SCARF1: variants seen among roughly 807,000 people sequenced by gnomAD.
SCARF1 encodes the protein scavenger receptor class F member 1.
In SCARF1, 49 loss-of-function variants were observed where a neutral mutation model predicts 76.3. That is an observed-to-expected ratio of 0.64 (90% confidence interval 0.51 to 0.81). The LOEUF is 0.81. Ranked by LOEUF, SCARF1 falls within the 40% of genes least tolerant of loss-of-function variation. The pLI is 0.00. For synonymous variants in SCARF1, 495 were observed against 474.6 expected (o/e 1.04, Z -0.56); for missense variants, 1,098 against 1,143.9 (o/e 0.96, Z 0.58).
chr17:1,639,903 C>T lies in SCARF1; in HGVS notation c.1139+9G>A, dbSNP rs776533267. The T allele has an allele frequency of 1.2e-6, 2 of 1,612,828 alleles. No individual in the cohort carries two copies. Among genetic ancestry groups the T allele is most frequent in the Admixed American group, 1.7e-5 (1 of 59,954 alleles). ...GGCACTCTCCCGCCCCCGGGATCCCCATCCTTACCTGGGCCCCCAGTAGCC... is the reference window on the plus strand; with the variant it reads ...GGCACTCTCCCGCCCCCGGGATCCCTATCCTTACCTGGGCCCCCAGTAGCC... On this transcript the variant is annotated intron_variant, in intron 6 of 10. Coordinates refer to ENST00000263071, the MANE Select transcript of SCARF1 (RefSeq NM_003693.4).
At chr17:1,641,731 ATT>A (rs1910069302) in intron 4 of SCARF1, among the ~76,000 whole-genome samples, 1 of 151,918 alleles carries the variant, frequency 6.6e-6, no homozygotes, top group Non-Finnish European at 1.5e-5. Context: ...TTTTATTATT[ATT>A]TTCTTCAAGA....
At position 1,645,256 on chromosome 17, in the gene SCARF1, G is replaced by A. The variant is rs777498538; in HGVS notation, c.102-17C>T. 30 of 1,612,222 alleles carry A rather than the reference G, an allele frequency of 1.9e-5. No homozygotes were observed. Among genetic ancestry groups the A allele is most frequent in the Admixed American group, 6.7e-5 (4 of 59,970 alleles). On this transcript the variant is annotated splice_polypyrimidine_tract_variant and intron_variant, in intron 1 of 10. Coordinates refer to ENST00000263071, the MANE Select transcript of SCARF1 (RefSeq NM_003693.4). The surrounding 1 kb of genome is among the most constrained non-coding windows in gnomAD (Gnocchi z 6.3). ...GCAGAGGGGCTGTGGGGCAAAAAGG[G>A]GTCAGCCGGACATGGTGGGGGGTGC...
rs1432849351 is a variant in SCARF1, at chr17:1,643,866, C to G, written c.367G>C (p.Asp123His). ...AACTCGCAGCGGGCTCCCCAGCGGT[C>G]GGCCTGGCACTGGCACGCGCCCGTG... ...PATGACQCQA[D>H]RWGARCEFPC... The change falls in exon 4 of 11, where the codon GAC (aspartate) becomes CAC (histidine). Residue 123 changes from aspartate to histidine, a missense_variant. Physicochemically the swap from Asp to His is moderately conservative, Grantham distance 81 (BLOSUM62 -1). Coordinates refer to ENST00000263071, the MANE Select transcript of SCARF1 (RefSeq NM_003693.4). 2 of 1,280,928 alleles carry G rather than the reference C, an allele frequency of 1.6e-6. No individual in the cohort carries two copies. The highest frequency in any genetic ancestry group is 6.2e-5 in the East Asian group (2 of 32,036). The allele number at this position is 1,280,928 out of a possible 1,614,324, so 79.3% of individuals were successfully genotyped here.
At position 1,639,755 on chromosome 17, in the gene SCARF1, A is replaced by G. The variant is rs1168931362; in HGVS notation, c.1140-13T>C. The G allele has an allele frequency of 1.2e-6, 2 of 1,606,810 alleles. No homozygotes were observed. Among genetic ancestry groups the G allele is most frequent in the East Asian group, 2.2e-5 (1 of 44,656 alleles). On this transcript the variant is annotated splice_polypyrimidine_tract_variant and intron_variant, in intron 6 of 10. Transcript: ENST00000263071. ...GGAGGCGTTGCAGCTATGGAGTGAC[A>G]TGGAGAGGCAGGCTGAGGGCTGGGT...
In SCARF1 at chr17:1,633,983, T is replaced by C. The variant is rs1909298706; in HGVS notation, c.*775A>G. On this transcript the variant is annotated 3_prime_UTR_variant, in exon 11 of 11. Coordinates refer to ENST00000263071, the MANE Select transcript of SCARF1 (RefSeq NM_003693.4). Reference sequence around the variant, plus strand: ...TGTTCACTGTAGAAAATTTGCAAACTATACAAAAGTTTCAGAAGAAAATAA... The same window carrying C: ...TGTTCACTGTAGAAAATTTGCAAACCATACAAAAGTTTCAGAAGAAAATAA... 2 of 152,208 alleles carry C rather than the reference T, an allele frequency of 1.3e-5. No homozygotes were observed. Among genetic ancestry groups the C allele is most frequent in the African/African-American group, 4.8e-5 (2 of 41,448 alleles). 9.4% of individuals were successfully genotyped at this position (152,208 alleles called of 1,614,324 possible).
chr17:1,644,994 C>G lies in SCARF1; in HGVS notation c.164-59G>C, dbSNP rs1178243848. On this transcript the variant is annotated intron_variant, in intron 2 of 10. Transcript: ENST00000263071. This position sits in a 1 kb window ranked among gnomAD's most constrained non-coding sequence, Gnocchi z 4.8. ...GAGCAGGACCAGGGGACACCCCTGCCCTCTCACTGGCTCCAGGGGCCATGC... is the reference window on the plus strand; with the variant it reads ...GAGCAGGACCAGGGGACACCCCTGCGCTCTCACTGGCTCCAGGGGCCATGC... 3 of 1,573,686 alleles carry G rather than the reference C, an allele frequency of 1.9e-6. No homozygotes were observed. The South Asian group carries it at 3.4e-5, about 18-fold the overall frequency.
chr17:1,641,286 C>T (rs2151098260), intron 4 of SCARF1, among the ~76,000 whole-genome samples: 1 of 152,336 alleles, frequency 6.6e-6, no homozygotes, highest in South Asian at 2.1e-4. Flanking sequence ...CTATTGTGAA[C>T]TGCGCACGGG....
In SCARF1 at chr17:1,643,479, A is replaced by G; in HGVS notation, c.754T>C (p.Cys252Arg). Residue 252 changes from cysteine (C) to arginine (R), a missense_variant, in exon 4 of 11, where the codon TGC (cysteine) becomes CGC (arginine). Cys to Arg is a radical substitution (Grantham distance 180). Coordinates refer to ENST00000263071, the MANE Select transcript of SCARF1 (RefSeq NM_003693.4). ...GFRGARCELP[C>R]PAGSHGVQCA... ...TGCACCCCGTGGCTGCCTGCCGGGC[A>G]GGGCAGCTCGCAGCGCGCTCCGCGG... 1 of 1,313,982 alleles carries G rather than the reference A, an allele frequency of 7.6e-7. No homozygotes were observed. 81.4% of individuals were successfully genotyped at this position (1,313,982 alleles called of 1,614,324 possible). A position where few individuals can be genotyped will look rare whatever the true frequency, so the allele number is the denominator to read the frequency against.
In SCARF1 at chr17:1,643,955, T is replaced by C. The variant is rs1910317178; in HGVS notation, c.278A>G (p.Gln93Arg). The C allele has an allele frequency of 2.3e-6, 3 of 1,302,586 alleles. No individual in the cohort carries two copies. Among genetic ancestry groups the C allele is most frequent in the African/African-American group, 1.6e-5 (1 of 64,416 alleles). The allele number at this position is 1,302,586 out of a possible 1,614,324, so 80.7% of individuals were successfully genotyped here. Reference sequence around the variant, plus strand: ...CTCACGGCAGTCGGGGCCCCAGTACTGGCCCGGGCAGCCTGCGGGGGTGGG... The same window carrying C: ...CTCACGGCAGTCGGGGCCCCAGTACCGGCCCGGGCAGCCTGCGGGGGTGGG... ...GAHCSSRCPG[Q>R]YWGPDCRESC... The change falls in exon 4 of 11, where the codon CAG becomes CGG. Residue 93 changes from glutamine to arginine, a missense_variant. Transcript: ENST00000263071.
In SCARF1 at chr17:1,635,249, G is replaced by T; in HGVS notation, c.2002C>A (p.Arg668=). Residue 668 remains arginine, a synonymous_variant, in exon 11 of 11, where the codon CGG becomes AGG. Transcript: ENST00000263071. The part of the protein sequence containing the change: ...TGHRRPPLGG[R]TVAEHVEAIE... ...GCTTCCACGTGCTCAGCCACTGTCC[G>T]GCCACCAAGTGGGGGCCGCCGGTGG... The T allele has an allele frequency of 6.2e-7, 1 of 1,611,994 alleles. No individual in the cohort carries two copies. Among genetic ancestry groups the T allele is most frequent in the Non-Finnish European group, 8.5e-7 (1 of 1,179,168 alleles).
chr17:1,642,948 C>T (rs1055994377), intron 4 of SCARF1, among the ~76,000 whole-genome samples: 9 of 152,146 alleles, frequency 5.9e-5, no homozygotes, highest in African/African-American at 2.2e-4. Flanking sequence ...GTGATGCACC[C>T]GCCTCAGCCT....
chr17:1,640,102 C>T lies in SCARF1; in HGVS notation c.1011-62G>A. On this transcript the variant is annotated intron_variant, in intron 5 of 10. Transcript: ENST00000263071. The surrounding 1 kb of genome is among the most constrained non-coding windows in gnomAD (Gnocchi z 4.7). ...GGCAGGCCTGGCCCCCACTGTGGGG[C>T]CCCACCCCTCCGCCCCACGCTCCTG... is the stretch of plus-strand genomic sequence containing the variant. The T allele has an allele frequency of 2.5e-6, 4 of 1,576,056 alleles. No individual in the cohort carries two copies. The highest frequency in any genetic ancestry group is 1.2e-5 in the South Asian group (1 of 86,558).
In SCARF1 at chr17:1,644,405, T is replaced by C. The variant is rs1438878960; in HGVS notation, c.265+429A>G. On this transcript the variant is annotated intron_variant, in intron 3 of 10. Coordinates refer to ENST00000263071, the MANE Select transcript of SCARF1 (RefSeq NM_003693.4). The surrounding 1 kb of genome is among the most constrained non-coding windows in gnomAD (Gnocchi z 4.8). Reference sequence around the variant, plus strand: ...ACCTTTCCCCTAGTGATTCCTTGATTCCTGATGCCCACCCTCTGGCTCTCC... The same window carrying C: ...ACCTTTCCCCTAGTGATTCCTTGATCCCTGATGCCCACCCTCTGGCTCTCC... The C allele has an allele frequency of 1.1e-5, 3 of 271,770 alleles. No homozygotes were observed. The highest frequency in any genetic ancestry group is 2.1e-5 in the Non-Finnish European group (3 of 142,714). The allele number at this position is 271,770 out of a possible 1,614,324, so 16.8% of individuals were successfully genotyped here. A position where few individuals can be genotyped will look rare whatever the true frequency, so the allele number is the denominator to read the frequency against.
chr17:1,636,870 G>T lies in SCARF1; in HGVS notation c.1487-15C>A. 6.2e-7 allele frequency: 1 copy of T among 1,613,872 alleles called. No homozygotes were observed. Among genetic ancestry groups the T allele is most frequent in the African/African-American group, 1.3e-5 (1 of 75,010 alleles). ...GTGATGTGAGACTGTAGAGACTCCAGATCAGGCGCCTGCAGGACCTGATGC... is the reference window on the plus strand; with the variant it reads ...GTGATGTGAGACTGTAGAGACTCCATATCAGGCGCCTGCAGGACCTGATGC... On this transcript the variant is annotated splice_polypyrimidine_tract_variant and intron_variant, in intron 9 of 10. Coordinates refer to ENST00000263071, the MANE Select transcript of SCARF1 (RefSeq NM_003693.4).
rs762470276 is a variant in SCARF1 at position 1,636,845 on chromosome 17, G to C, written c.1497C>G (p.His499Gln). ...HKLPWVTVSHHDPEVPFNHSF... is the reference protein window; with the variant it reads ...HKLPWVTVSHQDPEVPFNHSF... ...TGTGGTTGAAGGGGACCTCCGGGTCGTGATGTGAGACTGTAGAGACTCCAG... is the reference window on the plus strand; with the variant it reads ...TGTGGTTGAAGGGGACCTCCGGGTCCTGATGTGAGACTGTAGAGACTCCAG... Residue 499 changes from histidine (H) to glutamine (Q), a missense_variant, in exon 10 of 11, where the codon CAC (histidine) becomes CAG (glutamine). His to Gln is a conservative substitution (Grantham distance 24, BLOSUM62 0). Transcript: ENST00000263071. The C allele has an allele frequency of 3.2e-5, 51 of 1,613,938 alleles. No individual in the cohort carries two copies. Among genetic ancestry groups the C allele is most frequent in the South Asian group, 1.6e-4 (15 of 91,086 alleles).
intron 8 of SCARF1, among the ~76,000 whole-genome samples, chr17:1,637,752 G>A (rs1353798185): frequency 2.6e-5 from 4 of 152,096 alleles, no homozygotes; most frequent in East Asian, 1.9e-4. Flanking sequence ...GATTACAGGC[G>A]TGAGTCACTG....
rs544017106 is a variant in SCARF1, at chr17:1,636,739, C to G, written c.1603G>C (p.Val535Leu). 6.2e-7 allele frequency: 1 copy of G among 1,613,960 alleles called. No homozygotes were observed. Among genetic ancestry groups the G allele is most frequent in the African/African-American group, 1.3e-5 (1 of 74,888 alleles). Residue 535 changes from valine (V) to leucine (L), a missense_variant, in exon 10 of 11, where the codon GTT becomes CTT. Physicochemically the swap from Val to Leu is conservative, Grantham distance 32. Transcript: ENST00000263071. ...SDPESGEADE[V>L]PAYCVPPQEG... ...TGGGGTGGCACACAGTAGGCAGGAA[C>G]CTCATCTGCCTCTCCAGACTCAGGA...
Position 1,643,577 on chromosome 17 carries a change from C to G in SCARF1, c.656G>C (p.Cys219Ser). The change falls in exon 4 of 11, where the codon TGC (cysteine) becomes TCC (serine). Residue 219 changes from cysteine to serine, a missense_variant. Cys to Ser is a moderately radical substitution (Grantham distance 112). Transcript: ENST00000263071. ...CCGCACACACTCGCACTGCTGCTGG[C>G]ATTCGGGACCCCACCAGCCCGGCCG... ...ACRPGWWGPE[C>S]QQQCECVRGR... 6.8e-7 allele frequency: 1 copy of G among 1,474,990 alleles called. No individual in the cohort carries two copies. 91.4% of individuals were successfully genotyped at this position (1,474,990 alleles called of 1,614,324 possible).
intron 4 of SCARF1, among the ~76,000 whole-genome samples, chr17:1,642,194 A>T (rs1477800212): frequency 6.6e-6 from 1 of 150,744 alleles, no homozygotes; most frequent in African/African-American, 2.4e-5. Context: ...ATATTTTTTT[A>T]TTATTATACT....
Sources: allele counts gnomAD v4.1 joint callset (sites outside exome capture counted in the v4.1 genomes callset), GRCh38; gene constraint gnomAD v4.1.1; non-coding constraint Gnocchi (gnomAD v3.1); transcripts MANE v1.5; gene names NCBI Gene and HGNC (gene_info 2026-07-23, HGNC 2026-07-21).